Variants in ADAM8 observed in about 807,000 individuals in gnomAD.
ADAM8 encodes ADAM metallopeptidase domain 8, also known as disintegrin and metalloproteinase domain-containing protein 8.
A neutral mutation model predicts 102.4 loss-of-function variants in ADAM8; 104 were observed. That is an observed-to-expected ratio of 1.02 (90% CI 0.87 to 1.20). ADAM8 has a LOEUF of 1.20. Ranked by LOEUF, ADAM8 falls within the 50% of genes most tolerant of loss-of-function variation. ADAM8 has a pLI of 0.00. For missense variants in ADAM8, 1,132 were observed against 1,159.0 expected, an observed-to-expected ratio of 0.98 and a Z score of 0.34; for synonymous variants, 517 against 485.2, an observed-to-expected ratio of 1.07 and a Z score of -0.86.
intron 1 of ADAM8, among the ~76,000 whole-genome samples, chr10:133,276,475 C>T (rs192987660): frequency 6.6e-6 from 1 of 152,352 alleles, no homozygotes; most frequent in Non-Finnish European, 1.5e-5. Context: ...GCGCCTCGCG[C>T]AGCAGGTGAA....
rs753601907 is a variant in ADAM8 at position 133,268,153 on chromosome 10, C to T, written c.2064-35G>A. 5.7e-5 allele frequency: 72 copies of T among 1,252,452 alleles called. No individual in the cohort carries two copies. The Middle Eastern group carries it at 6.8e-4, about 12-fold the overall frequency. The allele number at this position is 1,252,452 out of a possible 1,614,324, so 77.6% of individuals were successfully genotyped here. A position where few individuals can be genotyped will look rare whatever the true frequency, so the allele number is the denominator to read the frequency against. On this transcript the variant is annotated intron_variant, in intron 19 of 22. Coordinates refer to ENST00000445355, the MANE Select transcript of ADAM8 (RefSeq NM_001109.5). ...AAGCACAGGGCGCATGGTCAGTGTC[C>T]GGCCATGGGGCCCCAGCACCACACC...
intron 18 of ADAM8, 83 bp downstream of exon 18, chr10:133,269,362 G>A (rs576706995): frequency 1.8e-4 from 250 of 1,369,274 alleles, no homozygotes; most frequent in African/African-American, 1.4e-3. Context: ...CCAGCTTCCC[G>A]GGCCCGCGGC....
chr10:133,270,108 G>A (rs930965034), intron 16 of ADAM8, 134 bp from the exon 17 acceptor site: 31 of 1,187,276 alleles, frequency 2.6e-5, no homozygotes, highest in Non-Finnish European at 3.2e-5. Flanking sequence ...CCCATCTGCC[G>A]GCTGCCTACC....
At chr10:133,269,009 C>T in intron 18 of ADAM8, 147 bp from the exon 19 acceptor site, 1 of 1,454,244 alleles carries the variant, frequency 6.9e-7, no homozygotes, top group Non-Finnish European at 9.0e-7. Context: ...TACACTGGCA[C>T]TCCCAGCTTG....
intron 2 of ADAM8, chr10:133,274,766 A>G (rs1846684912): frequency 2.7e-6 from 1 of 365,568 alleles, no homozygotes. Context: ...GCCTGCCTCC[A>G]GGACCCATCC....
Position 133,275,505 on chromosome 10 carries a change from G to A in ADAM8, c.129C>T (p.Arg43=). 6.5e-7 allele frequency: 1 copy of A among 1,530,992 alleles called. No individual in the cohort carries two copies. Among genetic ancestry groups the A allele is most frequent in the East Asian group, 2.6e-5 (1 of 38,980 alleles). The allele number at this position is 1,530,992 out of a possible 1,614,324, so 94.8% of individuals were successfully genotyped here. A position where few individuals can be genotyped will look rare whatever the true frequency, so the allele number is the denominator to read the frequency against. Residue 43 remains arginine, a synonymous_variant, in exon 2 of 23, where the codon CGC becomes CGT. Transcript: ENST00000445355. ...LPWRLPGPRV[R]RALPSHLGLH... ...TCACCAAGTGGGAGGGCAGAGCTCG[G>A]CGGACTCGGGGGCCTGGCAGACGCC...
At chr10:133,266,230 C>T in intron 21 of ADAM8, among the ~76,000 whole-genome samples, 1 of 152,106 alleles carries the variant, frequency 6.6e-6, no homozygotes, top group African/African-American at 2.4e-5. Context: ...CCTGGGGGGA[C>T]CATGGCTGGA....
In ADAM8 at chr10:133,270,759, T is replaced by A; in HGVS notation, c.1611A>T (p.Pro537=). 1 of 1,606,728 alleles carries A rather than the reference T, an allele frequency of 6.2e-7. No individual in the cohort carries two copies. The highest frequency in any genetic ancestry group is 8.5e-7 in the Non-Finnish European group (1 of 1,176,484). The change falls in exon 15 of 23, where the codon CCA becomes CCT. Residue 537 remains proline (P), a synonymous_variant. Coordinates refer to ENST00000445355, the MANE Select transcript of ADAM8 (RefSeq NM_001109.5). The part of the protein sequence containing the change: ...EESCFSYDIL[P]GCKASRYRAD... ...ACCTGTACCGGCTGGCCTTGCAGCC[T>A]GGTAGGATGTCATAGGAGAAGCAGG...
rs138948925 is a variant in ADAM8, at chr10:133,267,611, G to A, written c.2254-194C>T. On this transcript the variant is annotated intron_variant, in intron 20 of 22. Coordinates refer to ENST00000445355, the MANE Select transcript of ADAM8 (RefSeq NM_001109.5). ...GCCGTGTGATCCCGAGCTGGGGGCC[G>A]GAGAGCATTTGTGTCTCGACACTGT... 4.4e-3 allele frequency among the ~76,000 whole-genome samples: 666 copies of A among 152,330 alleles called. 2 individuals carry two copies. Among genetic ancestry groups the A allele is most frequent in the Middle Eastern group, 6.8e-3 (2 of 294 alleles).
At position 133,274,244 on chromosome 10, in the gene ADAM8, G is replaced by A; in HGVS notation, c.151-9C>T. The A allele has an allele frequency of 2.6e-6, 4 of 1,541,332 alleles. No homozygotes were observed. The South Asian group carries it at 5.0e-5, about 19-fold the overall frequency. On this transcript the variant is annotated splice_polypyrimidine_tract_variant and intron_variant, in intron 2 of 22. Transcript: ENST00000445355. Reference sequence around the variant, plus strand: ...CTCTCTGGGTGCAGGCCCTGAGCGAGGAGGGAAGGGTCCCAGGTGAGCAGC... The same window carrying A: ...CTCTCTGGGTGCAGGCCCTGAGCGAAGAGGGAAGGGTCCCAGGTGAGCAGC...
Position 133,270,716 on chromosome 10 carries a change from C to G in ADAM8, c.1634+20G>C. 1 of 1,492,238 alleles carries G rather than the reference C, an allele frequency of 6.7e-7. No individual in the cohort carries two copies. The allele number at this position is 1,492,238 out of a possible 1,614,324, so 92.4% of individuals were successfully genotyped here. A position where few individuals can be genotyped will look rare whatever the true frequency, so the allele number is the denominator to read the frequency against. Reference sequence around the variant, plus strand: ...TGTGGGAACAGCACATGTCCTGGGCCCAGGGCGGTCTCAGCTCACCTGTAC... The same window carrying G: ...TGTGGGAACAGCACATGTCCTGGGCGCAGGGCGGTCTCAGCTCACCTGTAC... On this transcript the variant is annotated intron_variant, in intron 15 of 22. Transcript: ENST00000445355.
intron 2 of ADAM8, 79 bp downstream of exon 2, chr10:133,275,405 T>C: frequency 8.8e-7 from 1 of 1,142,398 alleles, no homozygotes; most frequent in Non-Finnish European, 1.3e-6. Context: ...TCTCACCACT[T>C]TCTGTAAGCT....
chr10:133,267,217 G>A lies in ADAM8; in HGVS notation c.2319+135C>T, dbSNP rs553418577. 2.6e-4 allele frequency: 248 copies of A among 967,502 alleles called. No individual in the cohort carries two copies. The East Asian group carries it at 4.2e-3, about 16-fold the overall frequency. 59.9% of individuals were successfully genotyped at this position (967,502 alleles called of 1,614,324 possible). A position where few individuals can be genotyped will look rare whatever the true frequency, so the allele number is the denominator to read the frequency against. ...TTCTGTCTGATGTCCTCACGAGGTC[G>A]GGCTAACCAGCCTTCTGTGTACAGC... On this transcript the variant is annotated intron_variant, in intron 21 of 22. Transcript: ENST00000445355.
chr10:133,263,623 C>CCCCGTGGGGAGGCCGTGCCACTGTCAG, intron 22 of ADAM8, 65 bp downstream of exon 22: 1 of 1,467,332 alleles, frequency 6.8e-7, no homozygotes, highest in Non-Finnish European at 9.1e-7. Flanking sequence ...CCACCGTCAG[C>CCCCGTGGGGAGGCCGTGCCACTGTCAG]CCCGTGGGGA....
chr10:133,269,778 G>C, intron 17 of ADAM8, 119 bp downstream of exon 17: 1 of 1,243,212 alleles, frequency 8.0e-7, no homozygotes, highest in Non-Finnish European at 1.1e-6. Flanking sequence ...GACCCCCATG[G>C]ACAGGACACG....
Position 133,263,707 on chromosome 10 carries a change from GC to G in ADAM8, c.2377del (p.Ala793ProfsTer16). ...CCTCACCTCAGCTGGACCAGGGTTG[GC>G]CGCACCAGCCCCGGGTTTGACTGGG... ...VPPVKPGAGAANPGPAEGAVG... is the reference protein window; with the variant it reads ...VPPVKPGAGAXNPGPAEGAVG... On this transcript the variant is annotated frameshift_variant, in exon 22 of 23. Transcript: ENST00000445355. LOFTEE classifies it low-confidence loss of function (END_TRUNC). The G allele has an allele frequency of 1.9e-6, 3 of 1,565,766 alleles. No homozygotes were observed. The highest frequency in any genetic ancestry group is 2.6e-6 in the Non-Finnish European group (3 of 1,155,370).
chr10:133,267,093 C>CCCAG (rs1846345852), intron 21 of ADAM8, among the ~76,000 whole-genome samples: 1 of 152,130 alleles, frequency 6.6e-6, no homozygotes, highest in Admixed American at 6.5e-5. Flanking sequence ...GTGGGCGGAG[C>CCCAG]AGGTCTGAGT....
chr10:133,270,625 T>C (rs561262390), intron 15 of ADAM8, 111 bp downstream of exon 15: 3 of 1,534,964 alleles, frequency 2.0e-6, no homozygotes, highest in South Asian at 2.4e-5. Context: ...CTGGGGTCCA[T>C]GGGTCCAGAG....
Position 133,272,500 on chromosome 10 carries a change from G to A in ADAM8, c.791C>T (p.Pro264Leu). ...SQDRFHVSPDPSVTLENLLTW... is the reference protein window; with the variant it reads ...SQDRFHVSPDLSVTLENLLTW... ...CAGGAGGTTCTCCAGTGTGACACTG[G>A]GGTCGGGGCTGACGTGGAACCTGTC... Residue 264 changes from proline to leucine, a missense_variant, in exon 9 of 23, where the codon CCC becomes CTC. By Grantham distance (98) the Pro-to-Leu change is moderately conservative (BLOSUM62 -3). Transcript: ENST00000445355. 1.2e-6 allele frequency: 2 copies of A among 1,612,280 alleles called. No individual in the cohort carries two copies. The highest frequency in any genetic ancestry group is 2.2e-5 in the East Asian group (1 of 44,854).
Sources: allele counts gnomAD v4.1 joint callset (sites outside exome capture counted in the v4.1 genomes callset), GRCh38; gene constraint gnomAD v4.1.1; transcripts MANE v1.5; gene names NCBI Gene and HGNC (gene_info 2026-07-23, HGNC 2026-07-21).